Variants in ARHGEF10 observed in about 807,000 individuals in gnomAD.
ARHGEF10 encodes Rho guanine nucleotide exchange factor 10, also known as Rho guanine nucleotide exchange factor (GEF) 10.
ARHGEF10 carries 140 observed loss-of-function variants against 147.4 expected under a neutral mutation model. The ratio of observed to expected loss-of-function variants is 0.95; its 90% CI spans 0.83 to 1.09. The LOEUF (loss-of-function observed/expected upper bound fraction) is 1.09, where lower values mean the gene tolerates loss of function less well. Ranked by LOEUF, ARHGEF10 falls within the 50% of genes least tolerant of loss-of-function variation. ARHGEF10 has a pLI of 0.00. For synonymous variants in ARHGEF10, 902 were observed against 695.8 expected, an observed-to-expected ratio of 1.30 and a Z score of -4.67; for missense variants, 2,222 against 1,752.7, an observed-to-expected ratio of 1.27 and a Z score of -4.78.
chr8:1,932,187 G>A (rs936366969), intron 25 of ARHGEF10, among the ~76,000 whole-genome samples: 3 of 152,220 alleles, frequency 2.0e-5, no homozygotes, highest in Non-Finnish European at 4.4e-5. Flanking sequence ...TATTTCTGGA[G>A]GTTGCCGTGT....
Position 1,859,943 on chromosome 8 carries a change from T to G in ARHGEF10, c.240T>G (p.Pro80=). The change falls in exon 4 of 29, where the codon CCT becomes CCG. Residue 80 remains proline (P), a synonymous_variant. Coordinates refer to ENST00000349830, the MANE Select transcript of ARHGEF10 (RefSeq NM_014629.4). Reference sequence around the variant, plus strand: ...CAGAAACCACCCCAGTGGCAGAGCCTACTAAGCTGGTGCTCCCGATGAAAG... The same window carrying G: ...CAGAAACCACCCCAGTGGCAGAGCCGACTAAGCTGGTGCTCCCGATGAAAG... ...AGAETTPVAE[P]TKLVLPMKVN... 1 of 1,614,194 alleles carries G rather than the reference T, an allele frequency of 6.2e-7. No individual in the cohort carries two copies. The highest frequency in any genetic ancestry group is 8.5e-7 in the Non-Finnish European group (1 of 1,180,026).
At chr8:1,921,712 G>A (rs1812302400) in intron 18 of ARHGEF10, among the ~76,000 whole-genome samples, 1 of 151,210 alleles carries the variant, frequency 6.6e-6, no homozygotes, top group Non-Finnish European at 1.5e-5. Context: ...TGCAGCCTGG[G>A]GGACAAGAGC....
At chr8:1,856,486 G>C (rs1463445549) in intron 2 of ARHGEF10, among the ~76,000 whole-genome samples, 5 of 152,202 alleles carry the variant, frequency 3.3e-5, no homozygotes, top group African/African-American at 4.8e-5. Flanking sequence ...ACTAGTTTAG[G>C]AGATTCAAAG....
At chr8:1,832,735 C>CGGAGAG in intron 1 of ARHGEF10, among the ~76,000 whole-genome samples, 2 of 36,576 alleles carry the variant, frequency 5.5e-5, no homozygotes, top group Admixed American at 3.6e-4. Flanking sequence ...GAGACAGAGG[C>CGGAGAG]AGAGGCAGAG....
At chr8:1,936,437 G>A (rs960336872) in intron 26 of ARHGEF10, among the ~76,000 whole-genome samples, 3 of 152,152 alleles carry the variant, frequency 2.0e-5, no homozygotes, top group Non-Finnish European at 4.4e-5. Flanking sequence ...TTGAGCCCAC[G>A]AAGCTGAGGC....
At chr8:1,832,158 C>T (rs1417997681) in intron 1 of ARHGEF10, among the ~76,000 whole-genome samples, 1 of 152,120 alleles carries the variant, frequency 6.6e-6, no homozygotes, top group Non-Finnish European at 1.5e-5. Flanking sequence ...CAGCTGCAGT[C>T]GAATCACCAC....
At chr8:1,886,446 A>C (rs1292550176) in intron 11 of ARHGEF10, among the ~76,000 whole-genome samples, 2 of 152,232 alleles carry the variant, frequency 1.3e-5, no homozygotes, top group Non-Finnish European at 2.9e-5. Context: ...GATTAAAGAC[A>C]AACAACACAG....
intron 4 of ARHGEF10, among the ~76,000 whole-genome samples, chr8:1,861,713 G>A (rs893642753): frequency 2.6e-5 from 4 of 152,140 alleles, no homozygotes; most frequent in Admixed American, 2.0e-4. Context: ...CCTCCTGTGC[G>A]TTTTCCTGTT....
rs200017876 is a variant in ARHGEF10, at chr8:1,956,975, G to C, written c.3747G>C (p.Ser1249=). Residue 1249 remains serine (S), a synonymous_variant, in exon 29 of 29, where the codon TCG becomes TCC. Coordinates refer to ENST00000349830, the MANE Select transcript of ARHGEF10 (RefSeq NM_014629.4). ...AAIWLGDSLG[S]MTQKSDLSSS... ...TCTGGTTGGGAGATTCGCTGGGATC[G>C]ATGACTCAGAAAAGCGACCTGTCCT... The C allele has an allele frequency of 2.5e-6, 4 of 1,614,128 alleles. No homozygotes were observed. The highest frequency in any genetic ancestry group is 3.4e-6 in the Non-Finnish European group (4 of 1,180,026).
At chr8:1,930,078 G>A (rs923399529) in intron 25 of ARHGEF10, among the ~76,000 whole-genome samples, 4 of 152,066 alleles carry the variant, frequency 2.6e-5, no homozygotes, top group Non-Finnish European at 5.9e-5. Flanking sequence ...CTCTGGGTAC[G>A]GGGCTTTCCT....
Position 1,880,081 on chromosome 8 carries a change from T to C in ARHGEF10, c.877T>C (p.Tyr293His). Residue 293 changes from tyrosine (Y) to histidine (H), a missense_variant, in exon 9 of 29, where the codon TAT becomes CAT. Transcript: ENST00000349830. ...SHDLTRLKEH[Y>H]EKKMRDLMAS... ...TGACCTAACCCGTTTAAAGGAGCAC[T>C]ATGAGAAAAAGATGAGAGATTTGAT... 1.2e-6 allele frequency: 2 copies of C among 1,613,978 alleles called. No individual in the cohort carries two copies. The highest frequency in any genetic ancestry group is 1.7e-6 in the Non-Finnish European group (2 of 1,179,856).
chr8:1,940,819 G>A (rs181106500), intron 26 of ARHGEF10, among the ~76,000 whole-genome samples: 55 of 152,282 alleles, frequency 3.6e-4, no homozygotes, highest in Admixed American at 1.1e-3. Flanking sequence ...GGTTCAGGAC[G>A]TGAAAATCAA....
In ARHGEF10 at chr8:1,908,270, A is replaced by C. The variant is rs1008399685; in HGVS notation, c.1968-1025A>C. Among the ~76,000 whole-genome samples, 267 of 130,304 alleles carry C rather than the reference A, an allele frequency of 2.0e-3. 2 individuals are homozygous for C. The highest frequency in any genetic ancestry group is 7.9e-3 in the African/African-American group (261 of 32,912). 85.5% of individuals were successfully genotyped at this position (130,304 alleles called of 152,430 possible). A position where few individuals can be genotyped will look rare whatever the true frequency, so the allele number is the denominator to read the frequency against. ...TTTTGAGAAAGAGTCTCGCTCTGTC[A>C]CCCAGGCTGGAGTGCTGTGGCTCGA... On this transcript the variant is annotated intron_variant, in intron 17 of 28. Transcript: ENST00000349830.
intron 1 of ARHGEF10, among the ~76,000 whole-genome samples, chr8:1,830,404 G>A (rs564991714): frequency 6.6e-6 from 1 of 152,356 alleles, no homozygotes; most frequent in Non-Finnish European, 1.5e-5. Flanking sequence ...TTGGTCCCTT[G>A]AGGCCTTTCT....
Position 1,907,131 on chromosome 8 carries a change from A to G in ARHGEF10, c.1967+1415A>G, listed in dbSNP as rs57534508. Among the ~76,000 whole-genome samples, 36 of 152,276 alleles carry G rather than the reference A, an allele frequency of 2.4e-4. No homozygotes were observed. The East Asian group carries it at 7.0e-3, about 29-fold the overall frequency. ...GAACTCCAGGTGTGGGCTGCTCTAG[A>G]GGATGCTTAGAATTGCGAGGATGCA... On this transcript the variant is annotated intron_variant, in intron 17 of 28. Transcript: ENST00000349830.
At chr8:1,913,685 T>G (rs1038279848) in intron 18 of ARHGEF10, among the ~76,000 whole-genome samples, 2 of 152,198 alleles carry the variant, frequency 1.3e-5, no homozygotes, top group Non-Finnish European at 2.9e-5. Context: ...GCTGCCTCCC[T>G]GTGTGTTCTC....
In ARHGEF10 at chr8:1,937,117, T is replaced by C. The variant is rs1472924258; in HGVS notation, c.3222+3175T>C. On this transcript the variant is annotated intron_variant, in intron 26 of 28. Transcript: ENST00000349830. The surrounding 1 kb of genome is among the most constrained non-coding windows in gnomAD (Gnocchi z 4.9). ...TGGTCTGCTAGACAGGAACAGAAAA[T>C]AGCTGGACAGGGAGGTTGGGGTACA... Among the ~76,000 whole-genome samples, 2 of 152,110 alleles carry C rather than the reference T, an allele frequency of 1.3e-5. No homozygotes were observed. Among genetic ancestry groups the C allele is most frequent in the African/African-American group, 4.8e-5 (2 of 41,418 alleles).
intron 2 of ARHGEF10, among the ~76,000 whole-genome samples, chr8:1,851,787 G>A (rs962589489): frequency 1.3e-5 from 2 of 152,076 alleles, no homozygotes; most frequent in Non-Finnish European, 2.9e-5. Flanking sequence ...GGTGGCTCAT[G>A]CCTGTAGTCC....
At position 1,888,136 on chromosome 8, in the gene ARHGEF10, A is replaced by T. The variant is rs1237495901; in HGVS notation, c.1182+2429A>T. Among the ~76,000 whole-genome samples the T allele has an allele frequency of 1.6e-4, 15 of 95,750 alleles. 1 individual carries two copies. The highest frequency in any genetic ancestry group is 3.1e-4 in the Non-Finnish European group (14 of 45,108). The allele number at this position is 95,750 out of a possible 152,430, so 62.8% of individuals were successfully genotyped here. ...ACACTTAGTGGGGTGAGGGTTTGCGAGGAGACACTTAGTGGGGCGAGGGTT... is the reference window on the plus strand; with the variant it reads ...ACACTTAGTGGGGTGAGGGTTTGCGTGGAGACACTTAGTGGGGCGAGGGTT... On this transcript the variant is annotated intron_variant, in intron 11 of 28. Coordinates refer to ENST00000349830, the MANE Select transcript of ARHGEF10 (RefSeq NM_014629.4).
Sources: gnomAD v4.1 joint callset for allele counts (sites outside exome capture counted in the v4.1 genomes callset) on GRCh38, gnomAD v4.1.1 for gene constraint, Gnocchi (gnomAD v3.1) non-coding constraint, MANE v1.5 for transcripts, NCBI Gene and HGNC (gene_info 2026-07-23, HGNC 2026-07-21) for gene names.